PIK3R1: variants seen among roughly 807,000 people sequenced by gnomAD.
PIK3R1 encodes phosphoinositide-3-kinase regulatory subunit 1.
A neutral mutation model predicts 98.0 loss-of-function variants in PIK3R1; 29 were observed. That is an observed-to-expected ratio of 0.30 (90% confidence interval 0.22 to 0.40). PIK3R1 has a LOEUF of 0.40. Among genes scored for constraint, PIK3R1 ranks in the 10% least tolerant of loss-of-function variants. The pLI is 1.00. For missense variants in PIK3R1, 596 were observed against 872.7 expected, an observed-to-expected ratio of 0.68 and a Z score of 3.99; for synonymous variants, 282 against 311.8, an observed-to-expected ratio of 0.90 and a Z score of 1.01.
rs1747936127 is a variant in PIK3R1 at position 68,299,752 on chromosome 5, G to GA, written c.*2156dup. On this transcript the variant is annotated 3_prime_UTR_variant, in exon 16 of 16. Transcript: ENST00000521381. ...GAAAGAATCAGTCTTGCAGCTGAGT[G>GA]AAAAATCTGTGGAATGTATTATTTG... 1 of 233,044 alleles carries GA rather than the reference G, an allele frequency of 4.3e-6. No individual in the cohort carries two copies. Among genetic ancestry groups the GA allele is most frequent in the Non-Finnish European group, 8.5e-6 (1 of 118,014 alleles). The allele number at this position is 233,044 out of a possible 1,614,324, so 14.4% of individuals were successfully genotyped here. A position where few individuals can be genotyped will look rare whatever the true frequency, so the allele number is the denominator to read the frequency against.
At position 68,280,999 on chromosome 5, in the gene PIK3R1, T is replaced by C; in HGVS notation, c.909T>C (p.Pro303=). 12 of 1,596,438 alleles carry C rather than the reference T, an allele frequency of 7.5e-6. No individual in the cohort carries two copies. The highest frequency in any genetic ancestry group is 1.0e-5 in the Non-Finnish European group (12 of 1,170,918). ...LISTEWNERQ[P]APALPPKPPK... ...CAACTGAATGGAATGAACGACAGCC[T>C]GCACCAGGTAATGCTTTTTGAGCAT... is the stretch of plus-strand genomic sequence containing the variant. Residue 303 remains proline (P), a synonymous_variant, in exon 7 of 16, where the codon CCT becomes CCC. Transcript: ENST00000521381.
chr5:68,279,874 T>C, intron 5 of PIK3R1, 141 bp downstream of exon 5: 1 of 776,980 alleles, frequency 1.3e-6, no homozygotes, highest in Non-Finnish European at 2.0e-6. Flanking sequence ...CACCTCAAAT[T>C]TCCTCCTCCA....
At chr5:68,279,515 CAT>C in intron 4 of PIK3R1, 85 bp from the exon 5 acceptor site, 3 of 899,188 alleles carry the variant, frequency 3.3e-6, no homozygotes, top group East Asian at 2.7e-5. Context: ...TTTTTTGTCA[CAT>C]GTGAGTCAAA....
chr5:68,229,858 C>T (rs1744406798), intron 2 of PIK3R1, among the ~76,000 whole-genome samples: 1 of 152,188 alleles, frequency 6.6e-6, no homozygotes. Context: ...CGGCACTGTA[C>T]TTTCTTCCAA....
At chr5:68,254,312 C>A (rs995055012) in intron 2 of PIK3R1, among the ~76,000 whole-genome samples, 3 of 152,144 alleles carry the variant, frequency 2.0e-5, no homozygotes, top group Non-Finnish European at 2.9e-5. Context: ...CTCTCTTCAT[C>A]AATTAGTATG....
intron 4 of PIK3R1, among the ~76,000 whole-genome samples, chr5:68,276,127 G>C (rs1027937334): frequency 3.3e-5 from 5 of 152,088 alleles, no homozygotes; most frequent in African/African-American, 1.2e-4. Flanking sequence ...TTTGTCTCAT[G>C]CAAGTTTTAA....
chr5:68,255,896 CA>C lies in PIK3R1; in HGVS notation c.335-17489del, dbSNP rs777467143. Among the ~76,000 whole-genome samples the C allele has an allele frequency of 3.9e-5, 6 of 152,332 alleles. No individual in the cohort carries two copies. The East Asian group carries it at 7.7e-4, about 20-fold the overall frequency. ...CACATTAAAATGCTGATAATATCTT[CA>C]AAAACCACAGAGCCATGGGCCTTGC... On this transcript the variant is annotated intron_variant, in intron 2 of 15. Coordinates refer to ENST00000521381, the MANE Select transcript of PIK3R1 (RefSeq NM_181523.3).
chr5:68,243,435 CT>C (rs1420584476), intron 2 of PIK3R1, among the ~76,000 whole-genome samples: 1 of 152,158 alleles, frequency 6.6e-6, no homozygotes, highest in Non-Finnish European at 1.5e-5. Context: ...AAATTCAGCC[CT>C]GGGAAGAACC....
intron 15 of PIK3R1, 109 bp from the exon 16 acceptor site, chr5:68,297,303 T>G (rs1747776959): frequency 1.1e-6 from 1 of 939,382 alleles, no homozygotes; most frequent in Admixed American, 2.4e-5. Flanking sequence ...CCTAGGACCC[T>G]TTCCCCAAGT....
At position 68,279,807 on chromosome 5, in the gene PIK3R1, A is replaced by C. The variant is rs1746749439; in HGVS notation, c.634+74A>C. The C allele has an allele frequency of 2.1e-6, 3 of 1,434,066 alleles. No homozygotes were observed. In the South Asian group the frequency reaches 3.6e-5, roughly 17 times the overall value. The allele number at this position is 1,434,066 out of a possible 1,614,324, so 88.8% of individuals were successfully genotyped here. On this transcript the variant is annotated intron_variant, in intron 5 of 15. Transcript: ENST00000521381. ...AGAGGTGCTTGTATATGTCTTGCAT[A>C]TATAGAAATAGTGGTTAGAAAATAG...
At chr5:68,232,399 T>C (rs1580180026) in intron 2 of PIK3R1, among the ~76,000 whole-genome samples, 1 of 152,194 alleles carries the variant, frequency 6.6e-6, no homozygotes, top group Non-Finnish European at 1.5e-5. Flanking sequence ...CTTTTATTGC[T>C]TTTTGCAGGA....
At chr5:68,260,958 C>A (rs1487746786) in intron 2 of PIK3R1, among the ~76,000 whole-genome samples, 4 of 152,194 alleles carry the variant, frequency 2.6e-5, no homozygotes, top group Admixed American at 2.0e-4. Context: ...TACCAAAACA[C>A]TATTTTAAAC....
chr5:68,269,164 C>T (rs983123734), intron 2 of PIK3R1, among the ~76,000 whole-genome samples: 2 of 152,114 alleles, frequency 1.3e-5, no homozygotes, highest in Admixed American at 6.5e-5. Flanking sequence ...TTCTGCTGAT[C>T]TTTATCCTTT....
Position 68,263,362 on chromosome 5 carries a change from AT to A in PIK3R1, c.335-10025del, listed in dbSNP as rs1286509966. 1.4e-4 allele frequency among the ~76,000 whole-genome samples: 21 copies of A among 151,364 alleles called. No individual in the cohort carries two copies. In the East Asian group the frequency reaches 3.9e-3, roughly 28 times the overall value. On this transcript the variant is annotated intron_variant, in intron 2 of 15. Transcript: ENST00000521381. ...GTTTGGCACAAATAACTATAGTACT[AT>A]TTATTATCCTGAGCTTTTTTGAGAA...
chr5:68,280,797 A>G, intron 6 of PIK3R1, 68 bp downstream of exon 6: 1 of 1,407,918 alleles, frequency 7.1e-7, no homozygotes, highest in South Asian at 1.2e-5. Context: ...TGGTCATGAA[A>G]ATGTATTCTG....
At chr5:68,273,321 T>C in intron 2 of PIK3R1, 69 bp from the exon 3 acceptor site, 2 of 1,323,498 alleles carry the variant, frequency 1.5e-6, no homozygotes, top group Non-Finnish European at 2.2e-6. Context: ...ATTTTGTACG[T>C]CCTTCATTGT....
At chr5:68,293,551 A>G in intron 10 of PIK3R1, 68 bp downstream of exon 10, 4 of 1,349,084 alleles carry the variant, frequency 3.0e-6, no homozygotes, top group Non-Finnish European at 4.1e-6. Flanking sequence ...CTTAGAAAAC[A>G]TTTGAAGCAG....
chr5:68,262,509 T>C, intron 2 of PIK3R1, among the ~76,000 whole-genome samples: 1 of 126,118 alleles, frequency 7.9e-6, no homozygotes, highest in African/African-American at 3.1e-5. Flanking sequence ...TATCTATATA[T>C]GTATACATAT....
chr5:68,289,214 T>C (rs566646364), intron 7 of PIK3R1, among the ~76,000 whole-genome samples: 7 of 152,238 alleles, frequency 4.6e-5, no homozygotes, highest in Non-Finnish European at 7.4e-5. Context: ...TAAAAAAGAA[T>C]GTTTTTCTGA....
Sources: gnomAD v4.1 joint callset for allele counts (sites outside exome capture counted in the v4.1 genomes callset) on GRCh38, gnomAD v4.1.1 for gene constraint, MANE v1.5 for transcripts, NCBI Gene and HGNC (gene_info 2026-07-23, HGNC 2026-07-21) for gene names.